MT2A: variants seen among roughly 807,000 people sequenced by gnomAD.
MT2A encodes the protein metallothionein 2A.
A neutral mutation model predicts 9.9 loss-of-function variants in MT2A; 6 were observed. The ratio of observed to expected loss-of-function variants is 0.61; its 90% CI spans 0.33 to 1.20. The LOEUF is 1.20. MT2A is among the 50% of genes most tolerant of loss of function. The pLI is 0.04. For synonymous variants in MT2A, 27 were observed against 28.7 expected (o/e 0.94, Z 0.18); for missense variants, 57 against 78.2 (o/e 0.73, Z 1.02).
chr16:56,608,624 T>C lies in MT2A; in HGVS notation c.-32T>C. The C allele has an allele frequency of 1.9e-6, 3 of 1,614,122 alleles. No individual in the cohort carries two copies. Among genetic ancestry groups the C allele is most frequent in the Middle Eastern group, 1.6e-4 (1 of 6,062 alleles). ...AGTCCCAGCGAACCCGCGTGCAACC[T>C]GTCCCGACTCTAGCCGCCTCTTCAG... is the stretch of plus-strand genomic sequence containing the variant. On this transcript the variant is annotated 5_prime_UTR_variant, in exon 1 of 3. Coordinates refer to ENST00000245185, the MANE Select transcript of MT2A (RefSeq NM_005953.5).
Position 56,608,612 on chromosome 16 carries a change from C to A in MT2A, c.-44C>A. The A allele has an allele frequency of 6.2e-7, 1 of 1,614,026 alleles. No individual in the cohort carries two copies. The highest frequency in any genetic ancestry group is 8.5e-7 in the Non-Finnish European group (1 of 1,179,916). ...ACGCCTCCTCCAAGTCCCAGCGAACCCGCGTGCAACCTGTCCCGACTCTAG... is the reference window on the plus strand; with the variant it reads ...ACGCCTCCTCCAAGTCCCAGCGAACACGCGTGCAACCTGTCCCGACTCTAG... On this transcript the variant is annotated 5_prime_UTR_variant, in exon 1 of 3. Transcript: ENST00000245185.
Position 56,608,604 on chromosome 16 carries a change from C to T in MT2A, c.-52C>T. On this transcript the variant is annotated 5_prime_UTR_variant, in exon 1 of 3. Coordinates refer to ENST00000245185, the MANE Select transcript of MT2A (RefSeq NM_005953.5). The stretch of plus-strand genomic sequence containing the variant: ...ACTCCACCACGCCTCCTCCAAGTCC[C>T]AGCGAACCCGCGTGCAACCTGTCCC... 1 of 1,613,632 alleles carries T rather than the reference C, an allele frequency of 6.2e-7. No homozygotes were observed. Among genetic ancestry groups the T allele is most frequent in the Non-Finnish European group, 8.5e-7 (1 of 1,179,636 alleles).
chr16:56,608,701 C>T lies in MT2A; in HGVS notation c.28+18C>T. ...CGCCGCCGGTAAGAGGCTGGGGATGCCCAGTGTAGACTGTAGCGCTAGAGA... is the reference window on the plus strand; with the variant it reads ...CGCCGCCGGTAAGAGGCTGGGGATGTCCAGTGTAGACTGTAGCGCTAGAGA... On this transcript the variant is annotated intron_variant, in intron 1 of 2. Coordinates refer to ENST00000245185, the MANE Select transcript of MT2A (RefSeq NM_005953.5). 6.2e-7 allele frequency: 1 copy of T among 1,614,132 alleles called. No homozygotes were observed. Among genetic ancestry groups the T allele is most frequent in the South Asian group, 1.1e-5 (1 of 91,080 alleles).
Position 56,609,409 on chromosome 16 carries a change from T to C in MT2A, c.*55T>C. 1 of 1,603,016 alleles carries C rather than the reference T, an allele frequency of 6.2e-7. No homozygotes were observed. The highest frequency in any genetic ancestry group is 8.5e-7 in the Non-Finnish European group (1 of 1,173,912). On this transcript the variant is annotated 3_prime_UTR_variant, in exon 3 of 3. Transcript: ENST00000245185. ...AGAACGCGACTTCCACAAACCTGGA[T>C]TTTTTATGTACAACCCTGACCGTGA... is the stretch of plus-strand genomic sequence containing the variant.
chr16:56,608,959 G>A, intron 1 of MT2A, 33 bp from the exon 2 acceptor site: 1 of 1,613,088 alleles, frequency 6.2e-7, no homozygotes, highest in Non-Finnish European at 8.5e-7. Flanking sequence ...GGTATCCAGG[G>A]ACGGTTCTCA....
intron 2 of MT2A, 33 bp downstream of exon 2, chr16:56,609,090 C>G: frequency 6.2e-7 from 1 of 1,613,558 alleles, no homozygotes; most frequent in Non-Finnish European, 8.5e-7. Flanking sequence ...TCTACCCCTT[C>G]CCTGTCCTCC....
chr16:56,609,315 C>G lies in MT2A; in HGVS notation c.147C>G (p.Ile49Met). 3 of 1,614,256 alleles carry G rather than the reference C, an allele frequency of 1.9e-6. No homozygotes were observed. Among genetic ancestry groups the G allele is most frequent in the Non-Finnish European group, 2.5e-6 (3 of 1,180,058 alleles). ...VGCAKCAQGCICKGASDKCSC... is the reference protein window; with the variant it reads ...VGCAKCAQGCMCKGASDKCSC... Reference sequence around the variant, plus strand: ...GTGCCAAGTGTGCCCAGGGCTGCATCTGCAAAGGGGCGTCGGACAAGTGCA... The same window carrying G: ...GTGCCAAGTGTGCCCAGGGCTGCATGTGCAAAGGGGCGTCGGACAAGTGCA... Residue 49 changes from isoleucine to methionine, a missense_variant, in exon 3 of 3, where the codon ATC becomes ATG. Coordinates refer to ENST00000245185, the MANE Select transcript of MT2A (RefSeq NM_005953.5).
In MT2A at chr16:56,609,459, T is replaced by C; in HGVS notation, c.*105T>C. 8 of 1,366,050 alleles carry C rather than the reference T, an allele frequency of 5.9e-6. No individual in the cohort carries two copies. The highest frequency in any genetic ancestry group is 7.9e-6 in the Non-Finnish European group (8 of 1,011,242). 84.6% of individuals were successfully genotyped at this position (1,366,050 alleles called of 1,614,324 possible). Reference sequence around the variant, plus strand: ...ACCGTTTGCTATATTCCTTTTTCTATGAAATAATGTGAATGATAATAAAAC... The same window carrying C: ...ACCGTTTGCTATATTCCTTTTTCTACGAAATAATGTGAATGATAATAAAAC... On this transcript the variant is annotated 3_prime_UTR_variant, in exon 3 of 3. Coordinates refer to ENST00000245185, the MANE Select transcript of MT2A (RefSeq NM_005953.5).
chr16:56,608,908 G>A, intron 1 of MT2A, 84 bp from the exon 2 acceptor site: 1 of 1,510,844 alleles, frequency 6.6e-7, no homozygotes, highest in Non-Finnish European at 9.2e-7. Context: ...TGTGGACTGA[G>A]GAACTCGGCC....
At chr16:56,608,881 A>G in intron 1 of MT2A, 111 bp from the exon 2 acceptor site, 2 of 1,388,592 alleles carry the variant, frequency 1.4e-6, no homozygotes, top group South Asian at 1.2e-5. Flanking sequence ...GGCTTGCTCA[A>G]GTTCCCAGGA....
intron 2 of MT2A, 96 bp from the exon 3 acceptor site, chr16:56,609,167 A>G (rs1960003130): frequency 6.2e-7 from 1 of 1,611,952 alleles, no homozygotes; most frequent in South Asian, 1.1e-5. Flanking sequence ...TTGCGCGGAA[A>G]TTGTTGCCTC....
intron 1 of MT2A, 122 bp downstream of exon 1, chr16:56,608,805 G>T: frequency 7.0e-7 from 1 of 1,427,700 alleles, no homozygotes; most frequent in Non-Finnish European, 9.8e-7. Context: ...GAGTTTTGGG[G>T]TATCTTTCTC....
rs1367900116 is a variant in MT2A, at chr16:56,608,623, C to T, written c.-33C>T. ...AAGTCCCAGCGAACCCGCGTGCAAC[C>T]TGTCCCGACTCTAGCCGCCTCTTCA... On this transcript the variant is annotated 5_prime_UTR_variant, in exon 1 of 3. Coordinates refer to ENST00000245185, the MANE Select transcript of MT2A (RefSeq NM_005953.5). 2 of 1,614,056 alleles carry T rather than the reference C, an allele frequency of 1.2e-6. No individual in the cohort carries two copies. Among genetic ancestry groups the T allele is most frequent in the African/African-American group, 2.7e-5 (2 of 74,956 alleles).
chr16:56,608,905 T>G (rs1223096954), intron 1 of MT2A, 87 bp from the exon 2 acceptor site: 1 of 1,493,476 alleles, frequency 6.7e-7, no homozygotes, highest in Admixed American at 1.7e-5. Context: ...GGTTGTGGAC[T>G]GAGGAACTCG....
chr16:56,608,802 G>A (rs547986905), intron 1 of MT2A, 119 bp downstream of exon 1: 3 of 1,453,920 alleles, frequency 2.1e-6, no homozygotes, highest in African/African-American at 2.8e-5. Context: ...AAAGAGTTTT[G>A]GGGTATCTTT....
At position 56,609,491 on chromosome 16, in the gene MT2A, G is replaced by T; in HGVS notation, c.*137G>T. 1 of 1,229,970 alleles carries T rather than the reference G, an allele frequency of 8.1e-7. No individual in the cohort carries two copies. The highest frequency in any genetic ancestry group is 1.6e-5 in the South Asian group (1 of 63,016). 76.2% of individuals were successfully genotyped at this position (1,229,970 alleles called of 1,614,324 possible). Reference sequence around the variant, plus strand: ...ATGTGAATGATAATAAAACAGCTTTGACTTGATTCTGTCTCTGGTTTCCTT... The same window carrying T: ...ATGTGAATGATAATAAAACAGCTTTTACTTGATTCTGTCTCTGGTTTCCTT... On this transcript the variant is annotated 3_prime_UTR_variant, in exon 3 of 3. Transcript: ENST00000245185.
intron 1 of MT2A, 149 bp downstream of exon 1, chr16:56,608,832 C>G: frequency 6.1e-6 from 8 of 1,318,912 alleles, no homozygotes; most frequent in Admixed American, 4.0e-5. Flanking sequence ...CTAGGTTATT[C>G]GGAGCCCCCT....
intron 1 of MT2A, 23 bp from the exon 2 acceptor site, chr16:56,608,969 A>G (rs751231696): frequency 1.9e-6 from 3 of 1,613,350 alleles, no homozygotes; most frequent in Admixed American, 3.3e-5. Flanking sequence ...GACGGTTCTC[A>G]CCTCTGTCTT....
chr16:56,609,397 C>CACAAACCTGGATTTTTTATGT lies in MT2A; in HGVS notation c.*48_*68dup. 6.2e-7 allele frequency: 1 copy of CACAAACCTGGATTTTTTATGT among 1,608,022 alleles called. No homozygotes were observed. Among genetic ancestry groups the CACAAACCTGGATTTTTTATGT allele is most frequent in the Non-Finnish European group, 8.5e-7 (1 of 1,177,202 alleles). Reference sequence around the variant, plus strand: ...TCCCAGATGTAAAGAACGCGACTTCCACAAACCTGGATTTTTTATGTACAA... The same window carrying CACAAACCTGGATTTTTTATGT: ...TCCCAGATGTAAAGAACGCGACTTCCACAAACCTGGATTTTTTATGTACAAACCTGGATTTTTTATGTACAA... On this transcript the variant is annotated 3_prime_UTR_variant, in exon 3 of 3. Coordinates refer to ENST00000245185, the MANE Select transcript of MT2A (RefSeq NM_005953.5).
Sources: gnomAD v4.1 joint callset for allele counts on GRCh38, gnomAD v4.1.1 for gene constraint, MANE v1.5 for transcripts, NCBI Gene and HGNC (gene_info 2026-07-23, HGNC 2026-07-21) for gene names.